Variants in APP observed in about 807,000 individuals in gnomAD.
APP encodes amyloid beta precursor protein.
In APP, 31 loss-of-function variants were observed where a neutral mutation model predicts 101.4. The observed-to-expected ratio is 0.31, with a 90% CI of 0.23 to 0.41. The LOEUF is 0.41. Among genes scored for constraint, APP ranks in the 10% least tolerant of loss-of-function variants. The pLI, the probability that APP is intolerant of heterozygous loss-of-function variation, is 1.00. For missense variants in APP, 839 were observed against 1,003.7 expected (o/e 0.84, Z 2.22); for synonymous variants, 366 against 364.4 (o/e 1.00, Z -0.05).
At chr21:25,932,352 G>A (rs2040183399) in intron 13 of APP, among the ~76,000 whole-genome samples, 1 of 46 alleles carries the variant, frequency 0.022, no homozygotes, top group Admixed American at 0.25. Context: ...GTGAAGGGGT[G>A]TCATCTTATT....
chr21:26,165,727 T>C (rs1015277725), intron 1 of APP, among the ~76,000 whole-genome samples: 2 of 152,208 alleles, frequency 1.3e-5, no homozygotes, highest in African/African-American at 2.4e-5. Context: ...TAAATCTCTA[T>C]TGCATGTTTC....
intron 2 of APP, among the ~76,000 whole-genome samples, chr21:26,091,498 T>TG (rs2061825432): frequency 6.6e-6 from 1 of 152,178 alleles, no homozygotes; most frequent in Non-Finnish European, 1.5e-5. Context: ...ATGAGAATCA[T>TG]GAACTGACAA....
chr21:26,102,798 G>A (rs1266915836), intron 2 of APP, among the ~76,000 whole-genome samples: 8 of 146,152 alleles, frequency 5.5e-5, no homozygotes, highest in Non-Finnish European at 5.9e-5. Flanking sequence ...GCTGAGGCAC[G>A]AGAATCACTT....
chr21:26,090,686 T>A (rs184073006), intron 2 of APP, among the ~76,000 whole-genome samples: 2 of 152,298 alleles, frequency 1.3e-5, no homozygotes, highest in South Asian at 4.1e-4. Context: ...TAAACAAACG[T>A]TACAGTAGAT....
chr21:25,899,445 T>A (rs188452016), intron 15 of APP, among the ~76,000 whole-genome samples: 69 of 152,308 alleles, frequency 4.5e-4, no homozygotes, highest in African/African-American at 1.6e-3. Context: ...CTTCTGAGAC[T>A]GGGCCAAAAA....
chr21:25,998,017 T>A (rs1052831675), intron 7 of APP, among the ~76,000 whole-genome samples: 3 of 152,084 alleles, frequency 2.0e-5, no homozygotes, highest in Admixed American at 2.0e-4. Context: ...CCCAAACTGA[T>A]CAAAGGGAGA....
intron 15 of APP, among the ~76,000 whole-genome samples, chr21:25,900,661 C>T (rs748249840): frequency 1.3e-4 from 19 of 151,956 alleles, no homozygotes; most frequent in Non-Finnish European, 2.6e-4. Flanking sequence ...AAGAGTCTTC[C>T]CTTTTAGATT....
rs139619656 is a variant in APP at position 26,069,149 on chromosome 21, T to C, written c.356-15801A>G. On this transcript the variant is annotated intron_variant, in intron 3 of 17. Coordinates refer to ENST00000346798, the MANE Select transcript of APP (RefSeq NM_000484.4). Reference sequence around the variant, plus strand: ...ACCCAACCAATATAGGCCCCGTTGATCGATTTCCCCACAACAAGAGGAGGT... The same window carrying C: ...ACCCAACCAATATAGGCCCCGTTGACCGATTTCCCCACAACAAGAGGAGGT... Among the ~76,000 whole-genome samples, 27 of 152,274 alleles carry C rather than the reference T, an allele frequency of 1.8e-4. No homozygotes were observed. The East Asian group carries it at 4.6e-3, about 26-fold the overall frequency.
chr21:25,964,701 A>T (rs1425219865), intron 11 of APP, among the ~76,000 whole-genome samples: 1 of 151,056 alleles, frequency 6.6e-6, no homozygotes, highest in Non-Finnish European at 1.5e-5. Flanking sequence ...CCCGGGTTCA[A>T]GCGATTCTCC....
At chr21:25,961,715 C>T (rs1007771886) in intron 11 of APP, among the ~76,000 whole-genome samples, 8 of 152,122 alleles carry the variant, frequency 5.3e-5, no homozygotes, top group African/African-American at 1.9e-4. Context: ...ATTAAAAACA[C>T]AGAAACCTTC....
At chr21:26,109,967 G>T (rs903144778) in intron 2 of APP, among the ~76,000 whole-genome samples, 3 of 152,122 alleles carry the variant, frequency 2.0e-5, no homozygotes, top group Non-Finnish European at 4.4e-5. Flanking sequence ...AAACATATAA[G>T]TATGCACAGA....
intron 3 of APP, among the ~76,000 whole-genome samples, chr21:26,078,920 G>A (rs978560864): frequency 6.6e-6 from 1 of 152,000 alleles, no homozygotes; most frequent in Admixed American, 6.6e-5. Context: ...GCACATGCCT[G>A]TAATCCCAGC....
chr21:25,964,022 T>G (rs1053010303), intron 11 of APP, among the ~76,000 whole-genome samples: 3 of 152,198 alleles, frequency 2.0e-5, no homozygotes, highest in Non-Finnish European at 4.4e-5. Flanking sequence ...TCTTAAGTTT[T>G]AACAATATGG....
chr21:25,936,604 A>T (rs1234867231), intron 13 of APP, among the ~76,000 whole-genome samples: 1 of 152,256 alleles, frequency 6.6e-6, no homozygotes, highest in African/African-American at 2.4e-5. Context: ...AGACCATGTG[A>T]GGACATGATG....
At chr21:26,013,921 C>T (rs1222039435) in intron 6 of APP, among the ~76,000 whole-genome samples, 4 of 152,158 alleles carry the variant, frequency 2.6e-5, no homozygotes, top group Non-Finnish European at 5.9e-5. Context: ...TCAATGGCTG[C>T]CATGACATGG....
intron 5 of APP, among the ~76,000 whole-genome samples, chr21:26,038,388 G>A (rs1158984319): frequency 6.6e-6 from 1 of 152,152 alleles, no homozygotes; most frequent in Non-Finnish European, 1.5e-5. Flanking sequence ...AACCAGAGGT[G>A]GGAGATGAGT....
chr21:26,085,473 G>A (rs576564260), intron 3 of APP, among the ~76,000 whole-genome samples: 1 of 152,276 alleles, frequency 6.6e-6, no homozygotes, highest in East Asian at 1.9e-4. Flanking sequence ...GCAGGTCGGT[G>A]GGGAGAGGAG....
At chr21:25,958,437 C>A (rs1340874315) in intron 11 of APP, among the ~76,000 whole-genome samples, 1 of 152,138 alleles carries the variant, frequency 6.6e-6, no homozygotes, top group Non-Finnish European at 1.5e-5. Flanking sequence ...CCACCATGCT[C>A]AGCTAATTTT....
intron 11 of APP, among the ~76,000 whole-genome samples, chr21:25,968,593 C>T (rs2041886551): frequency 6.6e-6 from 1 of 152,094 alleles, no homozygotes; most frequent in Non-Finnish European, 1.5e-5. Context: ...TTGAAACATA[C>T]AGTATACTCA....
Sources: gnomAD v4.1 joint callset for allele counts (sites outside exome capture counted in the v4.1 genomes callset) on GRCh38, gnomAD v4.1.1 for gene constraint, MANE v1.5 for transcripts, NCBI Gene and HGNC (gene_info 2026-07-23, HGNC 2026-07-21) for gene names.